The following GARRE1 variants were observed in gnomAD, a reference collection of about 807,000 sequenced individuals.
GARRE1 encodes granule associated Rac and RHOG effector protein 1.
A neutral mutation model predicts 103.2 loss-of-function variants in GARRE1; 49 were observed. That is an observed-to-expected ratio of 0.47 (90% CI 0.38 to 0.60). The LOEUF is 0.60. Among genes scored for constraint, GARRE1 ranks in the 20% least tolerant of loss-of-function variants. The pLI is 0.00. For synonymous variants in GARRE1, 505 were observed against 532.8 expected (o/e 0.95, Z 0.72); for missense variants, 1,199 against 1,370.5 (o/e 0.87, Z 1.98).
intron 2 of GARRE1, among the ~76,000 whole-genome samples, chr19:34,305,842 A>G (rs1273913480): frequency 6.6e-6 from 1 of 152,190 alleles, no homozygotes; most frequent in Non-Finnish European, 1.5e-5. Context: ...TTGGAATACT[A>G]CCATGTTTTT....
chr19:34,351,490 G>A, intron 12 of GARRE1, 24 bp from the exon 13 acceptor site: 1 of 1,600,704 alleles, frequency 6.2e-7, no homozygotes, highest in Non-Finnish European at 8.6e-7. Flanking sequence ...AGCAATCACT[G>A]CCCTGAGCTC....
Position 34,352,848 on chromosome 19 carries a change from A to ACG in GARRE1, c.3107_3108insGC (p.Pro1038HisfsTer54). ...TGCCGCTGCCTTCTCCTATGTGCAG[A>ACG]CCCCACCCCAGCCCCCACCCCCACC... On this transcript the variant is annotated frameshift_variant, in exon 14 of 14. Transcript: ENST00000299505. LOFTEE classifies it high-confidence loss of function. 75 of 1,591,312 alleles carry ACG rather than the reference A, an allele frequency of 4.7e-5. No individual in the cohort carries two copies. The highest frequency in any genetic ancestry group is 5.8e-5 in the Non-Finnish European group (68 of 1,166,318).
chr19:34,327,154 CAAAATAAAAT>C lies in GARRE1; in HGVS notation c.706-244_706-235del, dbSNP rs60648933. ...AGGGTGACAGAGTAAGACCTTGTCT[CAAAATAAAAT>C]AAAATAAAATAAAATAAAATAATAA... On this transcript the variant is annotated intron_variant, in intron 3 of 13. Coordinates refer to ENST00000299505, the MANE Select transcript of GARRE1 (RefSeq NM_014686.5). 1.3e-3 allele frequency among the ~76,000 whole-genome samples: 187 copies of C among 148,720 alleles called. 1 individual carries two copies. The highest frequency in any genetic ancestry group is 8.3e-3 in the South Asian group (39 of 4,682).
chr19:34,321,087 C>T (rs1330706241), intron 3 of GARRE1, among the ~76,000 whole-genome samples: 7 of 124,202 alleles, frequency 5.6e-5, no homozygotes, highest in South Asian at 2.7e-4. Context: ...GACGGAGTCT[C>T]GCTCTGTCCC....
chr19:34,342,252 C>T lies in GARRE1; in HGVS notation c.2318C>T (p.Ser773Phe). ...GCGCAGGCTGTTGGAGCAGGTCTGTCTCCTCTTGGTCAGTGGCCTGGCATA... is the reference window on the plus strand; with the variant it reads ...GCGCAGGCTGTTGGAGCAGGTCTGTTTCCTCTTGGTCAGTGGCCTGGCATA... ...QPAQAVGAGL[S>F]PLGQWPGISD... The change falls in exon 10 of 14, where the codon TCT becomes TTT. Residue 773 changes from serine (S) to phenylalanine (F), a missense_variant. Coordinates refer to ENST00000299505, the MANE Select transcript of GARRE1 (RefSeq NM_014686.5). The T allele has an allele frequency of 6.2e-7, 1 of 1,614,238 alleles. No homozygotes were observed. The highest frequency in any genetic ancestry group is 1.3e-5 in the African/African-American group (1 of 75,066).
At chr19:34,258,172 G>A (rs1314509791) in intron 1 of GARRE1, among the ~76,000 whole-genome samples, 4 of 152,072 alleles carry the variant, frequency 2.6e-5, no homozygotes, top group Admixed American at 2.0e-4. Flanking sequence ...GCCTTGATTG[G>A]CCTTCTTGAC....
chr19:34,318,654 C>T (rs1229777449), intron 2 of GARRE1, among the ~76,000 whole-genome samples: 1 of 152,106 alleles, frequency 6.6e-6, no homozygotes, highest in Non-Finnish European at 1.5e-5. Flanking sequence ...CTGATGTGGG[C>T]AAAACAACTA....
At chr19:34,309,615 T>C (rs2074027570) in intron 2 of GARRE1, among the ~76,000 whole-genome samples, 1 of 152,120 alleles carries the variant, frequency 6.6e-6, no homozygotes, top group African/African-American at 2.4e-5. Context: ...ACGGGGATTA[T>C]AGGCTTGAAC....
intron 1 of GARRE1, among the ~76,000 whole-genome samples, chr19:34,280,806 G>A (rs1020534931): frequency 2.0e-5 from 3 of 152,160 alleles, no homozygotes; most frequent in Admixed American, 6.5e-5. Context: ...CAAGAAGTCC[G>A]GGGCTTATCG....
chr19:34,272,354 A>T (rs150656824), intron 1 of GARRE1, among the ~76,000 whole-genome samples: 94 of 152,254 alleles, frequency 6.2e-4, no homozygotes, highest in African/African-American at 2.1e-3. Flanking sequence ...GCCCACCACC[A>T]TGCCCGGCTA....
At chr19:34,260,942 C>T (rs1026169825) in intron 1 of GARRE1, among the ~76,000 whole-genome samples, 2 of 152,066 alleles carry the variant, frequency 1.3e-5, no homozygotes, top group Non-Finnish European at 1.5e-5. Flanking sequence ...ATTGGGGTGG[C>T]GGGTCCAAGA....
intron 8 of GARRE1, among the ~76,000 whole-genome samples, chr19:34,334,974 CAG>C (rs2074154357): frequency 6.6e-6 from 1 of 151,052 alleles, no homozygotes; most frequent in South Asian, 2.1e-4. Flanking sequence ...GCCTGGGAGA[CAG>C]AGGTTGCAGT....
At chr19:34,265,858 G>A (rs1038542621) in intron 1 of GARRE1, among the ~76,000 whole-genome samples, 2 of 152,140 alleles carry the variant, frequency 1.3e-5, no homozygotes, top group African/African-American at 2.4e-5. Context: ...AGAGTTAGGC[G>A]ACTTGCTCAA....
chr19:34,300,260 G>T lies in GARRE1; in HGVS notation c.-214G>T, dbSNP rs2073969758. On this transcript the variant is annotated 5_prime_UTR_variant, in exon 2 of 14. Transcript: ENST00000299505. Reference sequence around the variant, plus strand: ...GCATTTTGGACATCTTTTATTTTTTGTCAGAGATCCTGTCTACACTGAAAA... The same window carrying T: ...GCATTTTGGACATCTTTTATTTTTTTTCAGAGATCCTGTCTACACTGAAAA... 2 of 439,620 alleles carry T rather than the reference G, an allele frequency of 4.5e-6. No individual in the cohort carries two copies. Among genetic ancestry groups the T allele is most frequent in the African/African-American group, 4.0e-5 (2 of 50,418 alleles). The allele number at this position is 439,620 out of a possible 1,614,324, so 27.2% of individuals were successfully genotyped here. A position where few individuals can be genotyped will look rare whatever the true frequency, so the allele number is the denominator to read the frequency against.
rs59980177 is a variant in GARRE1, at chr19:34,304,096, A to AT, written c.495+3143dup. Among the ~76,000 whole-genome samples, 193 of 147,990 alleles carry AT rather than the reference A, an allele frequency of 1.3e-3. 1 individual carries two copies. The highest frequency in any genetic ancestry group is 0.012 in the East Asian group (57 of 4,784). On this transcript the variant is annotated intron_variant, in intron 2 of 13. Transcript: ENST00000299505. ...ATTCTACTTTGGATCTATCTTTGTA[A>AT]TTTTTTTTTTTTTTTAGACAGAGTC...
chr19:34,305,451 GCT>G (rs1568537387), intron 2 of GARRE1, among the ~76,000 whole-genome samples: 1 of 152,176 alleles, frequency 6.6e-6, no homozygotes, highest in Non-Finnish European at 1.5e-5. Context: ...ATGACATAGC[GCT>G]CTTAGCTTTA....
chr19:34,352,847 G>GT lies in GARRE1; in HGVS notation c.3105_3106insT (p.Thr1036TyrfsTer26). 1 of 1,602,064 alleles carries GT rather than the reference G, an allele frequency of 6.2e-7. No individual in the cohort carries two copies. Among genetic ancestry groups the GT allele is most frequent in the Non-Finnish European group, 8.5e-7 (1 of 1,173,886 alleles). On this transcript the variant is annotated frameshift_variant, in exon 14 of 14. Coordinates refer to ENST00000299505, the MANE Select transcript of GARRE1 (RefSeq NM_014686.5). LOFTEE classifies it high-confidence loss of function. ...GTGCCGCTGCCTTCTCCTATGTGCA[G>GT]ACCCCACCCCAGCCCCCACCCCCAC...
Position 34,352,977 on chromosome 19 carries a change from T to C in GARRE1, c.*22T>C, listed in dbSNP as rs377236207. 2.7e-5 allele frequency: 16 copies of C among 597,266 alleles called. No homozygotes were observed. Among genetic ancestry groups the C allele is most frequent in the Non-Finnish European group, 3.2e-5 (16 of 506,944 alleles). The allele number at this position is 597,266 out of a possible 1,614,324, so 37.0% of individuals were successfully genotyped here. A position where few individuals can be genotyped will look rare whatever the true frequency, so the allele number is the denominator to read the frequency against. ...CTGACCCCAGGCCAGCCAGCCTGCC[T>C]GCCTGCCTGCCTGCCCGCCCAGAGC... On this transcript the variant is annotated 3_prime_UTR_variant, in exon 14 of 14. Coordinates refer to ENST00000299505, the MANE Select transcript of GARRE1 (RefSeq NM_014686.5).
At position 34,353,051 on chromosome 19, in the gene GARRE1, C is replaced by T. The variant is rs1227691668; in HGVS notation, c.*96C>T. 3.4e-6 allele frequency: 4 copies of T among 1,171,294 alleles called. No individual in the cohort carries two copies. Among genetic ancestry groups the T allele is most frequent in the Middle Eastern group, 2.9e-4 (1 of 3,448 alleles). 72.6% of individuals were successfully genotyped at this position (1,171,294 alleles called of 1,614,324 possible). A position where few individuals can be genotyped will look rare whatever the true frequency, so the allele number is the denominator to read the frequency against. On this transcript the variant is annotated 3_prime_UTR_variant, in exon 14 of 14. Transcript: ENST00000299505. ...CAGGGCCACTTAGCTGACACCAGCC[C>T]CTCAGAGGACCAGTGCGCCCCATCC... is the stretch of plus-strand genomic sequence containing the variant.
Sources: allele counts gnomAD v4.1 joint callset (sites outside exome capture counted in the v4.1 genomes callset), GRCh38; gene constraint gnomAD v4.1.1; transcripts MANE v1.5; gene names NCBI Gene and HGNC (gene_info 2026-07-23, HGNC 2026-07-21).